Variants in IFT74 observed in about 807,000 individuals in gnomAD.
The protein encoded by IFT74 is intraflagellar transport 74.
A neutral mutation model predicts 96.7 loss-of-function variants in IFT74; 92 were observed. That is an observed-to-expected ratio of 0.95 (90% CI 0.80 to 1.13). The LOEUF (loss-of-function observed/expected upper bound fraction) is 1.13. IFT74 is among the 50% of genes most tolerant of loss of function. IFT74 has a pLI of 0.00. For synonymous variants in IFT74, 223 were observed against 213.2 expected (o/e 1.05, Z -0.40); for missense variants, 811 against 698.2 (o/e 1.16, Z -1.82).
At chr9:27,038,428 A>G (rs1819304828) in intron 13 of IFT74, among the ~76,000 whole-genome samples, 1 of 152,016 alleles carries the variant, frequency 6.6e-6, no homozygotes, top group Admixed American at 6.6e-5. Flanking sequence ...ACGCCTGGCT[A>G]ATTTTTGTAT....
chr9:27,056,897 T>C (rs1820188907), intron 18 of IFT74, among the ~76,000 whole-genome samples: 1 of 152,042 alleles, frequency 6.6e-6, no homozygotes, highest in South Asian at 2.1e-4. Context: ...GATAGATAGA[T>C]AGATAGATAT....
intron 13 of IFT74, among the ~76,000 whole-genome samples, chr9:27,038,677 C>G (rs1819323545): frequency 2.0e-5 from 3 of 152,140 alleles, no homozygotes; most frequent in South Asian, 4.1e-4. Flanking sequence ...ATAGAGAAAC[C>G]CTTACCAACA....
intron 16 of IFT74, among the ~76,000 whole-genome samples, chr9:27,052,414 C>T (rs771557549): frequency 1.1e-4 from 17 of 149,336 alleles, no homozygotes; most frequent in South Asian, 4.2e-4. Flanking sequence ...AGGCTGAGGC[C>T]GAAGAATCAC....
intron 1 of IFT74, among the ~76,000 whole-genome samples, chr9:26,948,448 ATTTTTTTTTTTTTTTTTTTT>A (rs71841244): frequency 2.2e-4 from 13 of 59,166 alleles, no homozygotes; most frequent in Non-Finnish European, 3.1e-4. Context: ...GCTTTCCATT[ATTTTTTTTTTTTTTTTTTTT>A]TTTTTTTTTT....
chr9:27,021,243 T>C (rs1384104191), intron 12 of IFT74, among the ~76,000 whole-genome samples: 2 of 152,194 alleles, frequency 1.3e-5, no homozygotes, highest in East Asian at 3.8e-4. Flanking sequence ...ATTGTTGGCT[T>C]TTTGGCTGTT....
intron 18 of IFT74, among the ~76,000 whole-genome samples, chr9:27,056,898 AGAT>A (rs1190203819): frequency 3.3e-5 from 5 of 151,666 alleles, no homozygotes; most frequent in African/African-American, 1.2e-4. Flanking sequence ...ATAGATAGAT[AGAT>A]AGATATGTGT....
chr9:27,061,677 G>GTA (rs10668267), intron 19 of IFT74, among the ~76,000 whole-genome samples: 17,360 of 142,926 alleles, frequency 0.12, 1,130 homozygotes, highest in South Asian at 0.25. Flanking sequence ...ATATCCACAA[G>GTA]TATATATATA....
At chr9:27,045,427 C>G (rs1819659185) in intron 14 of IFT74, among the ~76,000 whole-genome samples, 1 of 152,172 alleles carries the variant, frequency 6.6e-6, no homozygotes, top group Admixed American at 6.5e-5. Context: ...ACATGCTTCA[C>G]TATATTCACC....
chr9:26,973,210 C>G (rs73643119), intron 2 of IFT74, among the ~76,000 whole-genome samples: 1 of 152,110 alleles, frequency 6.6e-6, no homozygotes, highest in Non-Finnish European at 1.5e-5. Flanking sequence ...AATGGTGTAA[C>G]GGTTGGGGAC....
chr9:27,048,245 C>T lies in IFT74; in HGVS notation c.1304C>T (p.Ser435Leu). The T allele has an allele frequency of 6.2e-7, 1 of 1,605,890 alleles. No homozygotes were observed. The stretch of plus-strand genomic sequence containing the variant: ...TTTAAATCTACTGAAGTGCAGAAAT[C>T]ACAAAGTACAGCTCAGAATTTGACT... ...LNFKSTEVQK[S>L]QSTAQNLTSD... is the part of the protein sequence containing the mutation. The change falls in exon 16 of 20, where the codon TCA (serine) becomes TTA (leucine). Residue 435 changes from serine to leucine, a missense_variant. Physicochemically the swap from Ser to Leu is moderately radical, Grantham distance 145. Transcript: ENST00000380062.
chr9:27,054,715 AC>A (rs1820083379), intron 16 of IFT74, among the ~76,000 whole-genome samples: 1 of 152,178 alleles, frequency 6.6e-6, no homozygotes, highest in African/African-American at 2.4e-5. Flanking sequence ...CAACAGCCTG[AC>A]ATGCACATTG....
chr9:27,056,858 GGATAGATAGATAGATAGATA>G (rs56131867), intron 18 of IFT74, among the ~76,000 whole-genome samples: 16 of 144,684 alleles, frequency 1.1e-4, no homozygotes, highest in South Asian at 2.3e-4. Context: ...TTTAGTCAAT[GGATAGATAGATAGATAGATA>G]GATAGATAGA....
chr9:27,049,454 A>G (rs2131689025), intron 16 of IFT74, among the ~76,000 whole-genome samples: 1 of 152,252 alleles, frequency 6.6e-6, no homozygotes, highest in Middle Eastern at 3.4e-3. Flanking sequence ...TGCAGACTTG[A>G]GCTGTTAGAA....
intron 7 of IFT74, among the ~76,000 whole-genome samples, chr9:26,989,199 G>A (rs1827766197): frequency 6.6e-6 from 1 of 152,022 alleles, no homozygotes; most frequent in African/African-American, 2.4e-5. Context: ...ACATAACACT[G>A]GGGACTCCAA....
At position 26,961,998 on chromosome 9, in the gene IFT74, C is replaced by G. The variant is rs545013743; in HGVS notation, c.31C>G (p.Arg11Gly). 2 of 1,614,000 alleles carry G rather than the reference C, an allele frequency of 1.2e-6. No individual in the cohort carries two copies. The highest frequency in any genetic ancestry group is 1.7e-6 in the Non-Finnish European group (2 of 1,179,974). ...CAGCAATCACAAATCTTCAGCAGCT[C>G]GCCCTGTTTCAAGAGGTGGAGTTGG... MASNHKSSAA[R>G]PVSRGGVGLT... Residue 11 changes from arginine (R) to glycine (G), a missense_variant, in exon 2 of 20, where the codon CGC (arginine) becomes GGC (glycine). Physicochemically the swap from Arg to Gly is moderately radical, Grantham distance 125 (BLOSUM62 -2). Transcript: ENST00000380062.
At chr9:27,032,427 A>T (rs1313997280) in intron 13 of IFT74, among the ~76,000 whole-genome samples, 1 of 152,234 alleles carries the variant, frequency 6.6e-6, no homozygotes. Flanking sequence ...AGAATTTCTG[A>T]AACTTTAAGC....
intron 2 of IFT74, among the ~76,000 whole-genome samples, chr9:26,970,833 T>TG (rs1440188215): frequency 6.6e-6 from 1 of 152,052 alleles, no homozygotes; most frequent in Non-Finnish European, 1.5e-5. Flanking sequence ...TTTCAAGGGG[T>TG]GGTTGTGATT....
At chr9:27,003,215 TA>T (rs1828593793) in intron 8 of IFT74, among the ~76,000 whole-genome samples, 1 of 152,108 alleles carries the variant, frequency 6.6e-6, no homozygotes, top group South Asian at 2.1e-4. Context: ...GTTTTTTTTT[TA>T]ATTTTTTAAG....
At chr9:27,008,965 T>C in intron 8 of IFT74, 55 bp from the exon 9 acceptor site, 1 of 1,368,844 alleles carries the variant, frequency 7.3e-7, no homozygotes, top group African/African-American at 1.4e-5. Flanking sequence ...TATAAAATAA[T>C]TGGATATTTT....
Sources: allele counts gnomAD v4.1 joint callset (sites outside exome capture counted in the v4.1 genomes callset), GRCh38; gene constraint gnomAD v4.1.1; transcripts MANE v1.5; gene names NCBI Gene and HGNC (gene_info 2026-07-23, HGNC 2026-07-21).